The following MTMR1 variants were observed in gnomAD, a reference collection of about 807,000 sequenced individuals.
MTMR1 encodes phosphatidylinositol-3-phosphate phosphatase MTMR1.
A neutral mutation model predicts 51.6 loss-of-function variants in MTMR1; 17 were observed. The observed-to-expected ratio is 0.33, with a 90% CI of 0.23 to 0.49. The LOEUF (loss-of-function observed/expected upper bound fraction) is 0.49. Among genes scored for constraint, MTMR1 ranks in the 20% least tolerant of loss-of-function variants. The probability of loss-of-function intolerance (pLI) is 0.99; values close to 1 mark genes in which losing one functional copy is unlikely to be tolerated. For missense variants in MTMR1, 386 were observed against 526.9 expected (o/e 0.73, Z 2.62); for synonymous variants, 201 against 205.6 (o/e 0.98, Z 0.19).
chrX:150,755,947 TGGTAG>T, intron 15 of MTMR1, 82 bp downstream of exon 15: 1 of 825,293 alleles, frequency 1.2e-6, no homozygotes, highest in Non-Finnish European at 1.8e-6. Context: ...AATGTGTTAA[TGGTAG>T]ATATTAACAT....
Position 150,693,544 on chromosome X carries a change from C to A in MTMR1, c.14C>A (p.Ala5Glu). 1.3e-6 allele frequency: 1 copy of A among 754,472 alleles called. No individual in the cohort carries two copies. The highest frequency in any genetic ancestry group is 1.6e-6 in the Non-Finnish European group (1 of 639,503). 62.2% of individuals were successfully genotyped at this position (754,472 alleles called of 1,213,427 possible). Residue 5 changes from alanine (A) to glutamate (E), a missense_variant, in exon 1 of 16, where the codon GCG becomes GAG. By Grantham distance (107) the Ala-to-Glu change is moderately radical. Coordinates refer to ENST00000445323, the MANE Select transcript of MTMR1 (RefSeq NM_001306144.3). ...ACTCGGCGCGCCATGGACAGGCCGG[C>A]GGCGGCGGCGGCGGCGGGCTGCGAG... MDRPAAAAAAGCEGG... is the reference protein window; with the variant it reads MDRPEAAAAAGCEGG...
chrX:150,760,931 C>CAAA (rs56341623), intron 15 of MTMR1, among the ~76,000 whole-genome samples: 1 of 74,790 alleles, frequency 1.3e-5, no homozygotes, highest in Admixed American at 1.5e-4. Context: ...CATTCCGCCT[C>CAAA]AAAAAAAAAA....
At chrX:150,757,101 C>T (rs1241884102) in intron 15 of MTMR1, among the ~76,000 whole-genome samples, 1 of 112,449 alleles carries the variant, frequency 8.9e-6, no homozygotes, top group Non-Finnish European at 1.9e-5. Flanking sequence ...TCATCCCTCT[C>T]ACCTAGGGTC....
At chrX:150,737,220 A>G (rs782394383) in intron 11 of MTMR1, 22 bp from the exon 12 acceptor site, 14 of 1,180,751 alleles carry the variant, frequency 1.2e-5, no homozygotes, top group African/African-American at 1.8e-5. Flanking sequence ...AGCCTGGTCT[A>G]ATGTGCCTTT....
chrX:150,760,318 G>T (rs2043062380), intron 15 of MTMR1, among the ~76,000 whole-genome samples: 1 of 97,887 alleles, frequency 1.0e-5, no homozygotes, highest in African/African-American at 3.4e-5. Flanking sequence ...GAGAGGGGAG[G>T]GGAGGGAGTG....
At chrX:150,733,859 A>G (rs1183907140) in intron 10 of MTMR1, among the ~76,000 whole-genome samples, 1 of 111,673 alleles carries the variant, frequency 9.0e-6, no homozygotes, top group Admixed American at 9.5e-5. Context: ...GGTGTTGCCC[A>G]GGTGTCTGAC....
intron 14 of MTMR1, among the ~76,000 whole-genome samples, chrX:150,754,001 G>A (rs1334390526): frequency 8.9e-6 from 1 of 112,527 alleles, no homozygotes; most frequent in Non-Finnish European, 1.9e-5. Context: ...GTTTGTATAC[G>A]GTGTGAATTA....
intron 4 of MTMR1, among the ~76,000 whole-genome samples, chrX:150,721,638 A>G (rs2148604237): frequency 9.0e-6 from 1 of 111,537 alleles, no homozygotes; most frequent in East Asian, 2.8e-4. Flanking sequence ...TTCTGATATT[A>G]TTAATGTGCA....
Position 150,755,711 on chromosome X carries a change from CT to C in MTMR1, c.1706del (p.Leu569TyrfsTer9). ...FKEDVYTKTI[S>X]LWSYINSQLD... ...CAGGATGTATATACAAAGACGATAT[CT>C]TTATGGTCGTATATCAATAGCCAGC... On this transcript the variant is annotated frameshift_variant, in exon 15 of 16. Transcript: ENST00000445323. LOFTEE classifies it high-confidence loss of function. 8.4e-7 allele frequency: 1 copy of C among 1,194,986 alleles called. No homozygotes were observed.
At chrX:150,723,513 C>T (rs781891129) in intron 4 of MTMR1, among the ~76,000 whole-genome samples, 2 of 110,333 alleles carry the variant, frequency 1.8e-5, no homozygotes, top group East Asian at 5.7e-4. Flanking sequence ...CTCTCCAGCA[C>T]CTGTTGTTTC....
chrX:150,752,633 T>G (rs2042782305), intron 14 of MTMR1, among the ~76,000 whole-genome samples: 1 of 101,087 alleles, frequency 9.9e-6, no homozygotes, highest in Admixed American at 1.1e-4. Flanking sequence ...TGTTTTTTTT[T>G]TTTTTTTTTT....
intron 3 of MTMR1, among the ~76,000 whole-genome samples, chrX:150,715,302 G>T (rs889579854): frequency 8.0e-5 from 9 of 112,119 alleles, no homozygotes; most frequent in African/African-American, 2.9e-4. Flanking sequence ...TGTTGGGTGG[G>T]CTGGAGCCCT....
At chrX:150,740,509 C>T (rs1246320952) in intron 12 of MTMR1, among the ~76,000 whole-genome samples, 1 of 111,007 alleles carries the variant, frequency 9.0e-6, no homozygotes, top group African/African-American at 3.3e-5. Flanking sequence ...TGTGGTTAAC[C>T]TGTTAGTGAT....
intron 14 of MTMR1, among the ~76,000 whole-genome samples, chrX:150,753,060 T>C (rs1046390128): frequency 3.6e-5 from 4 of 111,976 alleles, no homozygotes; most frequent in African/African-American, 1.3e-4. Flanking sequence ...CTCTACGGAT[T>C]TGCCAATTCT....
At chrX:150,758,790 C>T (rs1288327078) in intron 15 of MTMR1, among the ~76,000 whole-genome samples, 8 of 103,113 alleles carry the variant, frequency 7.8e-5, no homozygotes, top group Admixed American at 7.3e-4. Context: ...AGTGAGACTC[C>T]GTCTCAAAAA....
chrX:150,759,093 C>T (rs2042996856), intron 15 of MTMR1, among the ~76,000 whole-genome samples: 1 of 112,552 alleles, frequency 8.9e-6, no homozygotes, highest in African/African-American at 3.2e-5. Context: ...CACTGGAGTC[C>T]AGGTCCAGCA....
chrX:150,698,684 A>G (rs942672649), intron 1 of MTMR1, among the ~76,000 whole-genome samples: 9 of 70,400 alleles, frequency 1.3e-4, no homozygotes, highest in East Asian at 6.9e-4. Context: ...GCGCGCGCAC[A>G]CACACACACA....
intron 10 of MTMR1, among the ~76,000 whole-genome samples, chrX:150,734,693 G>C (rs1234093292): frequency 2.7e-5 from 3 of 112,514 alleles, no homozygotes; most frequent in Non-Finnish European, 5.6e-5. Context: ...CAGTATATGT[G>C]TCTAGGAAAC....
intron 4 of MTMR1, among the ~76,000 whole-genome samples, chrX:150,722,201 GA>G (rs1437006298): frequency 4.5e-5 from 5 of 111,718 alleles, no homozygotes; most frequent in African/African-American, 9.7e-5. Flanking sequence ...ACATGCAGTT[GA>G]AAAGAATGTG....
Sources: gnomAD v4.1 joint callset for allele counts (sites outside exome capture counted in the v4.1 genomes callset) on GRCh38, gnomAD v4.1.1 for gene constraint, MANE v1.5 for transcripts, NCBI Gene and HGNC (gene_info 2026-07-23, HGNC 2026-07-21) for gene names.